ACSM1: variants seen among roughly 807,000 people sequenced by gnomAD.
ACSM1 encodes acyl-CoA synthetase medium chain family member 1, also known as acyl-coenzyme A synthetase ACSM1, mitochondrial.
ACSM1 carries 79 observed loss-of-function variants against 75.8 expected under a neutral mutation model. That is an observed-to-expected ratio of 1.04 (90% CI 0.87 to 1.26). ACSM1 has a LOEUF of 1.26. Ranked by LOEUF, ACSM1 falls within the 50% of genes most tolerant of loss-of-function variation. The pLI, the probability that ACSM1 is intolerant of heterozygous loss-of-function variation, is 0.00. For synonymous variants in ACSM1, 279 were observed against 265.8 expected, an observed-to-expected ratio of 1.05 and a Z score of -0.48; for missense variants, 676 against 720.1, an observed-to-expected ratio of 0.94 and a Z score of 0.70.
intron 7 of ACSM1, 21 bp from the exon 8 acceptor site, chr16:20,640,605 C>T (rs1397126249): frequency 1.2e-6 from 2 of 1,613,894 alleles, no homozygotes; most frequent in African/African-American, 2.7e-5. Context: ...GACAAGGTGC[C>T]AGGCATTGGT....
At chr16:20,677,606 G>A (rs952907664) in intron 4 of ACSM1, among the ~76,000 whole-genome samples, 14 of 152,176 alleles carry the variant, frequency 9.2e-5, no homozygotes, top group African/African-American at 3.4e-4. Context: ...TGACAGATAG[G>A]CCCCTTGGGG....
intron 7 of ACSM1, among the ~76,000 whole-genome samples, chr16:20,659,866 G>C (rs2019204124): frequency 6.6e-6 from 1 of 152,088 alleles, no homozygotes; most frequent in Admixed American, 6.6e-5. Flanking sequence ...TTTGATCCCA[G>C]GTCTTCAGAT....
chr16:20,626,780 T>G (rs949464278), intron 11 of ACSM1, among the ~76,000 whole-genome samples: 2 of 152,070 alleles, frequency 1.3e-5, no homozygotes, highest in African/African-American at 4.8e-5. Context: ...ATATTCATAA[T>G]AATAAAAATA....
chr16:20,690,851 G>C (rs2079640056), intron 2 of ACSM1, 146 bp downstream of exon 2: 2 of 736,572 alleles, frequency 2.7e-6, no homozygotes, highest in Non-Finnish European at 4.2e-6. Context: ...GCTGGGAATA[G>C]AACCTTGAAA....
At chr16:20,627,437 T>G in intron 10 of ACSM1, 121 bp from the exon 11 acceptor site, 2 of 1,224,108 alleles carry the variant, frequency 1.6e-6, no homozygotes, top group Admixed American at 5.8e-5. Context: ...CTGGGCAAGT[T>G]TTGCCATTTC....
At chr16:20,669,228 G>T (rs1463233936) in intron 6 of ACSM1, among the ~76,000 whole-genome samples, 1 of 152,080 alleles carries the variant, frequency 6.6e-6, no homozygotes, top group Non-Finnish European at 1.5e-5. Context: ...TAATGTCAGG[G>T]TTAAGTACTT....
At chr16:20,650,829 A>G (rs1213530533) in intron 7 of ACSM1, among the ~76,000 whole-genome samples, 3 of 152,112 alleles carry the variant, frequency 2.0e-5, no homozygotes, top group African/African-American at 4.8e-5. Context: ...TACATTAAGG[A>G]AGAAGATTCC....
At chr16:20,627,824 A>ATCTC (rs68102086) in intron 10 of ACSM1, among the ~76,000 whole-genome samples, 57 of 99,180 alleles carry the variant, frequency 5.7e-4, no homozygotes, top group East Asian at 1.1e-3. Context: ...GTGAGACTTC[A>ATCTC]TCTCTCTCTC....
intron 6 of ACSM1, among the ~76,000 whole-genome samples, chr16:20,663,447 C>A (rs893798195): frequency 6.6e-6 from 1 of 152,076 alleles, no homozygotes; most frequent in Non-Finnish European, 1.5e-5. Flanking sequence ...CCTGGACCCA[C>A]CTTATGCACT....
chr16:20,674,420 T>C (rs1742482204), intron 4 of ACSM1: 2 of 198,744 alleles, frequency 1.0e-5, no homozygotes, highest in African/African-American at 2.4e-5. Flanking sequence ...TTCTGTAATA[T>C]GCTTCCCCCT....
intron 7 of ACSM1, among the ~76,000 whole-genome samples, chr16:20,651,160 T>G (rs2018624364): frequency 6.6e-6 from 1 of 152,226 alleles, no homozygotes; most frequent in Non-Finnish European, 1.5e-5. Flanking sequence ...TGATTTCACC[T>G]GAGTTGCCTT....
chr16:20,658,044 T>C (rs1278910037), intron 7 of ACSM1, among the ~76,000 whole-genome samples: 1 of 152,214 alleles, frequency 6.6e-6, no homozygotes, highest in Non-Finnish European at 1.5e-5. Context: ...TCTTTGCTAT[T>C]GTGAATAGTG....
intron 7 of ACSM1, among the ~76,000 whole-genome samples, chr16:20,655,460 C>T (rs163260): frequency 0.18 from 26,593 of 151,334 alleles, 3,192 homozygotes; most frequent in African/African-American, 0.34. Flanking sequence ...ACAGTCTGAA[C>T]GCTTGTGAAT....
intron 4 of ACSM1, among the ~76,000 whole-genome samples, chr16:20,676,631 T>C (rs1312308239): frequency 6.6e-6 from 1 of 152,130 alleles, no homozygotes; most frequent in Admixed American, 6.6e-5. Flanking sequence ...GATCAGAGGC[T>C]TAACAAAGGC....
intron 7 of ACSM1, among the ~76,000 whole-genome samples, chr16:20,658,896 A>G (rs936795587): frequency 2.0e-5 from 3 of 152,226 alleles, no homozygotes; most frequent in African/African-American, 7.2e-5. Context: ...ACCCTTAATA[A>G]GTAAGGTAAC....
chr16:20,635,584 CTTTCTTTCTTTCTT>C (rs1567251599), intron 10 of ACSM1, among the ~76,000 whole-genome samples: 21 of 6,378 alleles, frequency 3.3e-3, no homozygotes, highest in Middle Eastern at 0.042. Context: ...TTTTCTTTTT[CTTTCTTTCTTTCTT>C]TCTTTCTTTC....
At chr16:20,668,359 T>G (rs1267991079) in intron 6 of ACSM1, among the ~76,000 whole-genome samples, 1 of 152,192 alleles carries the variant, frequency 6.6e-6, no homozygotes, top group East Asian at 1.9e-4. Flanking sequence ...GGACACTCTC[T>G]ATAGCAGCGG....
Position 20,685,417 on chromosome 16 carries a change from T to C in ACSM1, c.193-14A>G. Reference sequence around the variant, plus strand: ...TCTCTTGCCCTCCTGGTCAAGACCATATATTATGTGTTATTTTCTGCTTCA... The same window carrying C: ...TCTCTTGCCCTCCTGGTCAAGACCACATATTATGTGTTATTTTCTGCTTCA... On this transcript the variant is annotated splice_polypyrimidine_tract_variant and intron_variant, in intron 2 of 13. Transcript: ENST00000520010. The C allele has an allele frequency of 6.2e-7, 1 of 1,611,924 alleles. No homozygotes were observed.
chr16:20,682,087 AG>A, intron 4 of ACSM1, 168 bp downstream of exon 4: 1 of 624,818 alleles, frequency 1.6e-6, no homozygotes, highest in Non-Finnish European at 2.7e-6. Flanking sequence ...AATGCTTAAA[AG>A]GTAACCTGAC....
Sources: allele counts gnomAD v4.1 joint callset (sites outside exome capture counted in the v4.1 genomes callset), GRCh38; gene constraint gnomAD v4.1.1; transcripts MANE v1.5; gene names NCBI Gene and HGNC (gene_info 2026-07-23, HGNC 2026-07-21).